Variants in CCDC171 observed in about 807,000 individuals in gnomAD.
CCDC171 encodes coiled-coil domain containing 171.
Under a neutral mutation model 168.2 loss-of-function variants are expected in CCDC171, and 177 were observed. The ratio of observed to expected loss-of-function variants is 1.05; its 90% CI spans 0.93 to 1.19. The LOEUF (loss-of-function observed/expected upper bound fraction) is 1.19. Ranked by LOEUF, CCDC171 falls within the 50% of genes most tolerant of loss-of-function variation. CCDC171 has a pLI of 0.00. For synonymous variants in CCDC171, 687 were observed against 540.8 expected, an observed-to-expected ratio of 1.27 and a Z score of -3.75; for missense variants, 1,991 against 1,539.0, an observed-to-expected ratio of 1.29 and a Z score of -4.91.
chr9:16,040,574 C>T (rs1564131715), upstream of CCDC171, among the ~76,000 whole-genome samples: 1 of 152,202 alleles, frequency 6.6e-6, no homozygotes, highest in East Asian at 1.9e-4. Flanking sequence ...CGCTGAGCTC[C>T]TCCCAGGAAT....
rs978443301 is a variant in CCDC171 at position 16,030,214 on chromosome 9, C to A, written n.999-5243C>A. ...TGAGGCAAGGTCACAAACATTTAGA[C>A]AACAGCAGACTGGTAATTTCAGTTA... On this transcript the variant is annotated intron_variant and non_coding_transcript_variant, in intron 6 of 9. Coordinates refer to the CCDC171 transcript ENST00000486641. Among the ~76,000 whole-genome samples, 4 of 152,070 alleles carry A rather than the reference C, an allele frequency of 2.6e-5. No homozygotes were observed. The East Asian group carries it at 7.7e-4, about 29-fold the overall frequency.
rs148336162 is a variant in CCDC171, at chr9:15,862,974, T to C, written c.3469-11558T>C. On this transcript the variant is annotated intron_variant, in intron 23 of 25. Transcript: ENST00000380701. ...CTGAGAGCTGGGCATTTTTTTTCAC[T>C]GGTCCTTTCTGTGCCAAGCCAGGGG... 1.4e-3 allele frequency among the ~76,000 whole-genome samples: 206 copies of C among 152,078 alleles called. 1 individual carries two copies. The highest frequency in any genetic ancestry group is 5.4e-3 in the Admixed American group (83 of 15,248).
intron 24 of CCDC171, among the ~76,000 whole-genome samples, chr9:15,891,488 G>C (rs986462525): frequency 6.6e-6 from 1 of 152,144 alleles, no homozygotes; most frequent in Non-Finnish European, 1.5e-5. Context: ...TTTGTAGGTC[G>C]ATTATGGAAC....
intron 7 of CCDC171, among the ~76,000 whole-genome samples, chr9:15,654,168 CA>C (rs1232453568): frequency 6.6e-6 from 1 of 150,702 alleles, no homozygotes; most frequent in Non-Finnish European, 1.5e-5. Flanking sequence ...CCTTGAGACC[CA>C]AAAGGATCAT....
chr9:15,978,708 A>T (rs895300300), downstream of CCDC171, among the ~76,000 whole-genome samples: 1 of 152,206 alleles, frequency 6.6e-6, no homozygotes, highest in African/African-American at 2.4e-5. Flanking sequence ...GAGCACATAC[A>T]TATATATTTT....
intron 6 of CCDC171, among the ~76,000 whole-genome samples, chr9:16,024,082 G>A (rs1278187165): frequency 6.6e-6 from 1 of 152,042 alleles, no homozygotes; most frequent in African/African-American, 2.4e-5. Context: ...GGGGCCATGA[G>A]CCAAAGAATG....
At chr9:15,607,652 G>A (rs1015497088) in intron 6 of CCDC171, among the ~76,000 whole-genome samples, 16 of 151,920 alleles carry the variant, frequency 1.1e-4, no homozygotes, top group African/African-American at 3.9e-4. Flanking sequence ...TAGTAGAGAC[G>A]GGGTTTCGCC....
chr9:15,878,598 T>C (rs1818174543), intron 24 of CCDC171, among the ~76,000 whole-genome samples: 1 of 152,150 alleles, frequency 6.6e-6, no homozygotes, highest in African/African-American at 2.4e-5. Context: ...AAAACAGAAC[T>C]ACCATTTGAC....
At chr9:16,086,959 A>G in the CCDC171 span, among the ~76,000 whole-genome samples, 1 of 152,090 alleles carries the variant, frequency 6.6e-6, no homozygotes, top group Admixed American at 6.5e-5. Flanking sequence ...TTAAAAACTT[A>G]TTTATTTCTT....
intron 23 of CCDC171, among the ~76,000 whole-genome samples, chr9:15,851,711 G>A (rs2061135985): frequency 6.6e-6 from 1 of 151,818 alleles, no homozygotes; most frequent in Admixed American, 6.6e-5. Flanking sequence ...AAGAAACCCA[G>A]TACCCAAGAA....
chr9:15,963,735 T>C (rs1318601782), intron 25 of CCDC171, among the ~76,000 whole-genome samples: 2 of 152,166 alleles, frequency 1.3e-5, no homozygotes, highest in Non-Finnish European at 2.9e-5. Flanking sequence ...CAATCAGACA[T>C]CTAATCTGTA....
At chr9:15,895,716 A>T (rs546392077) in intron 24 of CCDC171, among the ~76,000 whole-genome samples, 2 of 152,084 alleles carry the variant, frequency 1.3e-5, no homozygotes, top group Non-Finnish European at 2.9e-5. Flanking sequence ...TTGTTTTCCT[A>T]TGGCCCACAA....
At chr9:15,826,319 G>A (rs1159051671) in intron 21 of CCDC171, among the ~76,000 whole-genome samples, 1 of 126,182 alleles carries the variant, frequency 7.9e-6, no homozygotes, top group Non-Finnish European at 1.7e-5. Flanking sequence ...ATTTGTTTTT[G>A]TTGATCCTTT....
intron 18 of CCDC171, among the ~76,000 whole-genome samples, chr9:15,770,234 A>C (rs556287420): frequency 1.3e-5 from 2 of 152,344 alleles, no homozygotes; most frequent in South Asian, 4.1e-4. Flanking sequence ...GTTGAAGACC[A>C]CCCAAAAAGT....
At chr9:15,652,929 C>T (rs1356947880) in intron 7 of CCDC171, among the ~76,000 whole-genome samples, 2 of 152,078 alleles carry the variant, frequency 1.3e-5, no homozygotes, top group Admixed American at 1.3e-4. Flanking sequence ...TAAGAACATC[C>T]TGTGGGACTG....
At chr9:15,588,090 C>T (rs1196706335) in intron 4 of CCDC171, among the ~76,000 whole-genome samples, 1 of 152,020 alleles carries the variant, frequency 6.6e-6, no homozygotes, top group Non-Finnish European at 1.5e-5. Context: ...CAAAAATTAG[C>T]CAGGCGTGGT....
intron 18 of CCDC171, among the ~76,000 whole-genome samples, chr9:15,763,547 G>A (rs1223253266): frequency 2.0e-5 from 3 of 152,108 alleles, no homozygotes; most frequent in Non-Finnish European, 2.9e-5. Flanking sequence ...GGGCCACCAC[G>A]AATACAAAAA....
intron 8 of CCDC171, among the ~76,000 whole-genome samples, chr9:15,663,002 A>C (rs1317256431): frequency 6.6e-6 from 1 of 152,070 alleles, no homozygotes; most frequent in Non-Finnish European, 1.5e-5. Context: ...CAACAACAAC[A>C]ACAACAACAA....
At chr9:16,084,831 G>C in the CCDC171 span, among the ~76,000 whole-genome samples, 1 of 152,172 alleles carries the variant, frequency 6.6e-6, no homozygotes, top group African/African-American at 2.4e-5. Context: ...AGGCCGGTGA[G>C]GTAAGGCAGC....
Sources: gnomAD v4.1 joint callset for allele counts (sites outside exome capture counted in the v4.1 genomes callset) on GRCh38, gnomAD v4.1.1 for gene constraint, MANE v1.5 for transcripts, NCBI Gene and HGNC (gene_info 2026-07-23, HGNC 2026-07-21) for gene names.